AK5: variants seen among roughly 807,000 people sequenced by gnomAD.
AK5 encodes the protein adenylate kinase isoenzyme 5.
Under a neutral mutation model 69.5 loss-of-function variants are expected in AK5, and 27 were observed. The ratio of observed to expected loss-of-function variants is 0.39; its 90% CI spans 0.29 to 0.54. The LOEUF is 0.54. Among genes scored for constraint, AK5 ranks in the 20% least tolerant of loss-of-function variants. AK5 has a pLI of 0.71. For synonymous variants in AK5, 260 were observed against 244.4 expected (o/e 1.06, Z -0.60); for missense variants, 531 against 700.4 (o/e 0.76, Z 2.73).
intron 13 of AK5, among the ~76,000 whole-genome samples, chr1:77,541,668 C>T (rs534483001): frequency 1.2e-4 from 18 of 152,290 alleles, no homozygotes; most frequent in Non-Finnish European, 2.2e-4. Context: ...CCCTAGAAGG[C>T]GTGTGGGATC....
chr1:77,460,473 A>G (rs773603500), intron 8 of AK5, among the ~76,000 whole-genome samples: 1 of 152,224 alleles, frequency 6.6e-6, no homozygotes, highest in African/African-American at 2.4e-5. Flanking sequence ...AATGAAAGAA[A>G]TATAATCTCC....
chr1:77,430,301 A>G (rs1411697308), intron 8 of AK5, among the ~76,000 whole-genome samples: 1 of 152,156 alleles, frequency 6.6e-6, no homozygotes, highest in Non-Finnish European at 1.5e-5. Flanking sequence ...TGGAATGGAT[A>G]TGGGAGCCAA....
At chr1:77,488,330 G>A (rs920627979) in intron 10 of AK5, among the ~76,000 whole-genome samples, 3 of 152,130 alleles carry the variant, frequency 2.0e-5, no homozygotes, top group Non-Finnish European at 4.4e-5. Context: ...AATTAGTTGT[G>A]CTATAGATTA....
intron 5 of AK5, among the ~76,000 whole-genome samples, chr1:77,326,971 C>T (rs761221136): frequency 1.2e-4 from 19 of 152,094 alleles, no homozygotes; most frequent in South Asian, 1.0e-3. Flanking sequence ...AGTCAATATA[C>T]GTCAGGATTG....
intron 6 of AK5, among the ~76,000 whole-genome samples, chr1:77,406,308 A>T (rs1443037068): frequency 2.1e-5 from 3 of 143,398 alleles, no homozygotes; most frequent in South Asian, 2.2e-4. Context: ...CAGAGCCTGG[A>T]GATGTTTCCA....
At chr1:77,522,976 T>G (rs564073788) in intron 12 of AK5, among the ~76,000 whole-genome samples, 31 of 152,282 alleles carry the variant, frequency 2.0e-4, no homozygotes, top group African/African-American at 7.0e-4. Context: ...GGTTAATGAC[T>G]TCCCCATGGC....
chr1:77,413,818 CCCT>C (rs1557573775), intron 7 of AK5, among the ~76,000 whole-genome samples: 1 of 152,124 alleles, frequency 6.6e-6, no homozygotes, highest in Admixed American at 6.6e-5. Context: ...TCCTTCTCTG[CCCT>C]CCTCCCTGCC....
intron 6 of AK5, among the ~76,000 whole-genome samples, chr1:77,387,248 A>G (rs1289633553): frequency 6.6e-6 from 1 of 152,218 alleles, no homozygotes; most frequent in African/African-American, 2.4e-5. Flanking sequence ...GAGTTAAGCA[A>G]TTATAGCAAC....
At chr1:77,317,144 C>A (rs1212497637) in intron 5 of AK5, among the ~76,000 whole-genome samples, 1 of 152,068 alleles carries the variant, frequency 6.6e-6, no homozygotes, top group Non-Finnish European at 1.5e-5. Context: ...ATCTGTATAC[C>A]TCATGCTTGG....
At chr1:77,330,360 T>C (rs1162914175) in intron 5 of AK5, among the ~76,000 whole-genome samples, 1 of 152,200 alleles carries the variant, frequency 6.6e-6, no homozygotes, top group Non-Finnish European at 1.5e-5. Context: ...CTAGACTATT[T>C]ATCATTTTGT....
intron 5 of AK5, among the ~76,000 whole-genome samples, chr1:77,327,922 C>T (rs1009808572): frequency 7.2e-5 from 11 of 152,152 alleles, no homozygotes; most frequent in Non-Finnish European, 1.3e-4. Context: ...CATTAGCACT[C>T]TAAAGGACAA....
rs1237979120 is a variant in AK5, at chr1:77,559,217, G to T, written c.*547G>T. 6.6e-6 allele frequency: 1 copy of T among 152,190 alleles called. No homozygotes were observed. The highest frequency in any genetic ancestry group is 1.5e-5 in the Non-Finnish European group (1 of 68,046). The allele number at this position is 152,190 out of a possible 1,614,324, so 9.4% of individuals were successfully genotyped here. Reference sequence around the variant, plus strand: ...GTTGATTACACAATGCCTTGTACATGATATAGAGGCATCAAGCAAGTAAAA... The same window carrying T: ...GTTGATTACACAATGCCTTGTACATTATATAGAGGCATCAAGCAAGTAAAA... On this transcript the variant is annotated 3_prime_UTR_variant, in exon 14 of 14. Coordinates refer to ENST00000354567, the MANE Select transcript of AK5 (RefSeq NM_174858.3).
At chr1:77,283,396 A>T in intron 1 of AK5, 2 of 985,408 alleles carry the variant, frequency 2.0e-6, no homozygotes, top group Non-Finnish European at 2.4e-6. Context: ...CTGAAAACGG[A>T]TAGACTGATA....
intron 6 of AK5, among the ~76,000 whole-genome samples, chr1:77,400,677 T>C (rs779596946): frequency 6.6e-6 from 1 of 152,078 alleles, no homozygotes; most frequent in Non-Finnish European, 1.5e-5. Context: ...CAAGGAGAAG[T>C]TTTTCATAAA....
At chr1:77,474,241 G>A (rs1440073876) in intron 8 of AK5, among the ~76,000 whole-genome samples, 1 of 152,118 alleles carries the variant, frequency 6.6e-6, no homozygotes, top group Non-Finnish European at 1.5e-5. Context: ...TCTCAGGCTG[G>A]TAGACTCAGA....
At chr1:77,312,034 C>A (rs186823087) in intron 5 of AK5, among the ~76,000 whole-genome samples, 1 of 152,086 alleles carries the variant, frequency 6.6e-6, no homozygotes, top group Non-Finnish European at 1.5e-5. Context: ...AATAATAATT[C>A]GTTATTTTCG....
chr1:77,367,831 T>TATGTTATATATATTATATATA (rs1647015999), intron 6 of AK5, among the ~76,000 whole-genome samples: 9 of 2,370 alleles, frequency 3.8e-3, no homozygotes, highest in Non-Finnish European at 4.0e-3. Context: ...TTATATATAA[T>TATGTTATATATATTATATATA]ATATGTTATA....
At chr1:77,515,889 C>CA (rs1657615390) in intron 10 of AK5, among the ~76,000 whole-genome samples, 1 of 152,046 alleles carries the variant, frequency 6.6e-6, no homozygotes, top group Non-Finnish European at 1.5e-5. Flanking sequence ...CCTGTCTCTA[C>CA]AAAAAATCTG....
At chr1:77,366,382 G>A (rs931148955) in intron 6 of AK5, among the ~76,000 whole-genome samples, 2 of 151,992 alleles carry the variant, frequency 1.3e-5, no homozygotes, top group African/African-American at 4.8e-5. Context: ...TTTTTGTTTT[G>A]GTTGCCATCA....
Sources: gnomAD v4.1 joint callset for allele counts (sites outside exome capture counted in the v4.1 genomes callset) on GRCh38, gnomAD v4.1.1 for gene constraint, MANE v1.5 for transcripts, NCBI Gene and HGNC (gene_info 2026-07-23, HGNC 2026-07-21) for gene names.